Variants in MLLT10 observed in about 807,000 individuals in gnomAD.
MLLT10 encodes the protein MLLT10 histone lysine methyltransferase DOT1L cofactor, also known as protein AF-10.
MLLT10 carries 30 observed loss-of-function variants against 129.1 expected under a neutral mutation model. That is an observed-to-expected ratio of 0.23 (90% CI 0.17 to 0.32). MLLT10 has a LOEUF of 0.32. Ranked by LOEUF, MLLT10 falls within the 10% of genes least tolerant of loss-of-function variation. The pLI is 1.00. For synonymous variants in MLLT10, 490 were observed against 446.4 expected (o/e 1.10, Z -1.23); for missense variants, 1,119 against 1,268.3 (o/e 0.88, Z 1.79).
rs376375113 is a variant in MLLT10 at position 21,614,019 on chromosome 10, T to C, written c.510-812T>C. Among the ~76,000 whole-genome samples, 4 of 151,906 alleles carry C rather than the reference T, an allele frequency of 2.6e-5. No individual in the cohort carries two copies. The East Asian group carries it at 7.7e-4, about 29-fold the overall frequency. On this transcript the variant is annotated intron_variant, in intron 6 of 22. Coordinates refer to ENST00000307729, the MANE Select transcript of MLLT10 (RefSeq NM_001195626.3). ...GAGGATCGCTTGAGTTAAAGAGCAG[T>C]CTGGGCAACATAGCAAGACACCTCA... is the stretch of plus-strand genomic sequence containing the variant.
intron 3 of MLLT10, among the ~76,000 whole-genome samples, chr10:21,584,444 T>C (rs1322549270): frequency 3.3e-5 from 5 of 152,148 alleles, no homozygotes; most frequent in Non-Finnish European, 5.9e-5. Flanking sequence ...ATTATAGGCG[T>C]GAGCCACCGC....
At chr10:21,682,389 G>A in intron 13 of MLLT10, 132 bp downstream of exon 13, 1 of 711,556 alleles carries the variant, frequency 1.4e-6, no homozygotes. Flanking sequence ...CAATTGTTCA[G>A]CACCTTAGTG....
chr10:21,645,587 T>G (rs569197695), intron 8 of MLLT10, among the ~76,000 whole-genome samples: 1 of 152,338 alleles, frequency 6.6e-6, no homozygotes, highest in African/African-American at 2.4e-5. Context: ...CTTGTCTTGA[T>G]GATTAGTGAT....
At chr10:21,638,861 C>T (rs939970259) in intron 8 of MLLT10, among the ~76,000 whole-genome samples, 13 of 152,120 alleles carry the variant, frequency 8.5e-5, no homozygotes, top group African/African-American at 3.1e-4. Context: ...GTCCTCTCCA[C>T]CTAACCAGAG....
intron 20 of MLLT10, 80 bp from the exon 21 acceptor site, chr10:21,735,059 A>G: frequency 1.0e-6 from 1 of 995,962 alleles, no homozygotes; most frequent in South Asian, 1.5e-5. Flanking sequence ...ATCAAATTGA[A>G]AAGTTGTCTT....
At chr10:21,720,554 C>G (rs1331332599) in intron 14 of MLLT10, among the ~76,000 whole-genome samples, 2 of 152,130 alleles carry the variant, frequency 1.3e-5, no homozygotes, top group African/African-American at 4.8e-5. Context: ...ATTGTGTTCC[C>G]AAATTCAAAC....
rs772988257 is a variant in MLLT10, at chr10:21,673,571, G to A, written c.1273G>A (p.Ala425Thr). ...CTTAATTGGCCTCCCTTCAACCTCA[G>A]CTGTTACTTCACAGCCTAAAAGCTT... ...STLIGLPSTSAVTSQPKSFEN... is the reference protein window; with the variant it reads ...STLIGLPSTSTVTSQPKSFEN... Residue 425 changes from alanine to threonine, a missense_variant, in exon 11 of 23, where the codon GCT becomes ACT. By Grantham distance (58) the Ala-to-Thr change is moderately conservative. This residue lies in a region of MLLT10 where 1,004 missense variants were observed against 1,008.7 expected (regional missense o/e 1.00). Coordinates refer to ENST00000307729, the MANE Select transcript of MLLT10 (RefSeq NM_001195626.3). 1 of 1,613,262 alleles carries A rather than the reference G, an allele frequency of 6.2e-7. No individual in the cohort carries two copies. Among genetic ancestry groups the A allele is most frequent in the East Asian group, 2.2e-5 (1 of 44,876 alleles).
Position 21,670,350 on chromosome 10 carries a change from T to A in MLLT10, c.796-99T>A, listed in dbSNP as rs2051264441. Reference sequence around the variant, plus strand: ...TATTTTTAGAACAGAAACTTTGTGTTTATTCTGCAAGTTCTTCTTATTAAT... The same window carrying A: ...TATTTTTAGAACAGAAACTTTGTGTATATTCTGCAAGTTCTTCTTATTAAT... On this transcript the variant is annotated intron_variant, in intron 9 of 22. Transcript: ENST00000307729. 27 of 1,174,562 alleles carry A rather than the reference T, an allele frequency of 2.3e-5. No individual in the cohort carries two copies. The South Asian group carries it at 5.1e-4, about 22-fold the overall frequency. 72.8% of individuals were successfully genotyped at this position (1,174,562 alleles called of 1,614,324 possible). A position where few individuals can be genotyped will look rare whatever the true frequency, so the allele number is the denominator to read the frequency against.
At chr10:21,595,863 C>G (rs535887668) in intron 5 of MLLT10, among the ~76,000 whole-genome samples, 1 of 151,862 alleles carries the variant, frequency 6.6e-6, no homozygotes, top group Non-Finnish European at 1.5e-5. Flanking sequence ...CTCCTCCTCC[C>G]AAAGTTATTT....
chr10:21,701,895 T>TTTCTCTTCTCTTCTC (rs538238777), intron 13 of MLLT10, among the ~76,000 whole-genome samples: 50 of 151,040 alleles, frequency 3.3e-4, no homozygotes, highest in African/African-American at 1.2e-3. Flanking sequence ...GGTTATGTTA[T>TTTCTCTTCTCTTCTC]TTCTCTTCTC....
chr10:21,556,759 A>G (rs1359712113), intron 3 of MLLT10: 2 of 1,607,484 alleles, frequency 1.2e-6, no homozygotes, highest in Non-Finnish European at 1.7e-6. Context: ...ACGTTCCTCC[A>G]GTTTCTGGTG....
At chr10:21,544,832 G>A (rs2035815237) in intron 3 of MLLT10, among the ~76,000 whole-genome samples, 1 of 152,156 alleles carries the variant, frequency 6.6e-6, no homozygotes, top group African/African-American at 2.4e-5. Context: ...TGGGCATGTT[G>A]GTTTTGATGC....
At chr10:21,625,981 A>C in intron 8 of MLLT10, 2 of 891,338 alleles carry the variant, frequency 2.2e-6, no homozygotes, top group Non-Finnish European at 3.9e-6. Context: ...CAGAGTACAC[A>C]CTGTTTGGTG....
intron 14 of MLLT10, 76 bp downstream of exon 14, chr10:21,714,026 A>G: frequency 7.6e-7 from 1 of 1,318,304 alleles, no homozygotes; most frequent in South Asian, 1.5e-5. Flanking sequence ...TGGAGGAGAA[A>G]CAAATGACAT....
chr10:21,677,383 T>C (rs959552565), intron 11 of MLLT10, among the ~76,000 whole-genome samples: 1 of 152,206 alleles, frequency 6.6e-6, no homozygotes, highest in African/African-American at 2.4e-5. Flanking sequence ...ATGTATACAG[T>C]CATCCTTTGG....
At chr10:21,611,765 T>A (rs749773396) in intron 5 of MLLT10, among the ~76,000 whole-genome samples, 2 of 152,220 alleles carry the variant, frequency 1.3e-5, no homozygotes, top group Non-Finnish European at 2.9e-5. Flanking sequence ...ATTTCTGACC[T>A]ACTTAGCTAA....
At chr10:21,656,139 T>A (rs1430427255) in intron 9 of MLLT10, among the ~76,000 whole-genome samples, 2 of 152,174 alleles carry the variant, frequency 1.3e-5, no homozygotes, top group Non-Finnish European at 2.9e-5. Flanking sequence ...TTCTTGATCC[T>A]GATGGCTGGT....
chr10:21,625,115 T>A, intron 8 of MLLT10: 1 of 955,854 alleles, frequency 1.0e-6, no homozygotes, highest in Admixed American at 1.8e-5. Context: ...CATATCCACC[T>A]CTCCCCCAAC....
intron 13 of MLLT10, among the ~76,000 whole-genome samples, chr10:21,693,376 G>GA (rs71393921): frequency 0.24 from 36,096 of 148,252 alleles, 5,308 homozygotes; most frequent in Middle Eastern, 0.47. Flanking sequence ...TTCCCAGGGG[G>GA]AAAAAAAAAA....
Sources: allele counts gnomAD v4.1 joint callset (sites outside exome capture counted in the v4.1 genomes callset), GRCh38; gene constraint gnomAD v4.1.1; regional missense constraint gnomAD v4.1.1; transcripts MANE v1.5; gene names NCBI Gene and HGNC (gene_info 2026-07-23, HGNC 2026-07-21).